IL1RAPL1: variants seen among roughly 807,000 people sequenced by gnomAD.
The protein encoded by IL1RAPL1 is interleukin-1 receptor accessory protein-like 1.
A neutral mutation model predicts 48.4 loss-of-function variants in IL1RAPL1; 3 were observed. The observed-to-expected ratio is 0.06, with a 90% CI of 0.03 to 0.16. IL1RAPL1 has a LOEUF of 0.16. Among genes scored for constraint, IL1RAPL1 ranks in the 10% least tolerant of loss-of-function variants. The pLI, the probability that IL1RAPL1 is intolerant of heterozygous loss-of-function variation, is 1.00. For synonymous variants in IL1RAPL1, 185 were observed against 187.7 expected (o/e 0.99, Z 0.12); for missense variants, 349 against 530.6 (o/e 0.66, Z 3.36).
At chrX:28,860,966 A>C (rs907189920) in intron 2 of IL1RAPL1, among the ~76,000 whole-genome samples, 2 of 111,193 alleles carry the variant, frequency 1.8e-5, no homozygotes, top group African/African-American at 6.5e-5. Flanking sequence ...CTATCATATA[A>C]ATTCTGTTAA....
chrX:29,684,926 G>A (rs1036959604), intron 6 of IL1RAPL1, among the ~76,000 whole-genome samples: 13 of 112,109 alleles, frequency 1.2e-4, no homozygotes, highest in Admixed American at 8.5e-4. Context: ...AATTTACTAC[G>A]ACTATTAATT....
At chrX:29,765,204 C>G (rs1928851957) in intron 6 of IL1RAPL1, among the ~76,000 whole-genome samples, 1 of 103,684 alleles carries the variant, frequency 9.6e-6, no homozygotes, top group East Asian at 3.1e-4. Context: ...ACTCAGCTTT[C>G]AATTGTTTTT....
chrX:28,914,039 G>C (rs1438637063), intron 2 of IL1RAPL1, among the ~76,000 whole-genome samples: 2 of 111,326 alleles, frequency 1.8e-5, no homozygotes, highest in African/African-American at 6.5e-5. Context: ...GAAAACTCAA[G>C]TAGATACAAA....
intron 6 of IL1RAPL1, among the ~76,000 whole-genome samples, chrX:29,766,630 C>T (rs1201671041): frequency 6.4e-5 from 6 of 93,478 alleles, no homozygotes; most frequent in Non-Finnish European, 1.2e-4. Flanking sequence ...CACTCTCCCT[C>T]CATCCCCTTT....
chrX:28,721,841 T>C (rs1357974359), intron 1 of IL1RAPL1, among the ~76,000 whole-genome samples: 1 of 111,365 alleles, frequency 9.0e-6, no homozygotes, highest in East Asian at 2.8e-4. Flanking sequence ...GCACCATTTA[T>C]TAAATAGGGA....
intron 2 of IL1RAPL1, among the ~76,000 whole-genome samples, chrX:29,149,458 A>G (rs139046127): frequency 4.6e-3 from 517 of 111,722 alleles, no homozygotes; most frequent in Non-Finnish European, 6.8e-3. Context: ...TCTATCACTC[A>G]TTGTCCCATC....
chrX:29,469,588 G>A (rs1454228530), intron 5 of IL1RAPL1, among the ~76,000 whole-genome samples: 1 of 111,465 alleles, frequency 9.0e-6, no homozygotes, highest in Non-Finnish European at 1.9e-5. Context: ...AAACACAATT[G>A]CCTTTGAAGT....
chrX:28,868,583 C>A (rs1358321196), intron 2 of IL1RAPL1, among the ~76,000 whole-genome samples: 3 of 110,924 alleles, frequency 2.7e-5, no homozygotes, highest in African/African-American at 9.9e-5. Flanking sequence ...GTGTTCCTAC[C>A]CATTCTCTAG....
At chrX:28,690,045 C>G (rs1935159018) in intron 1 of IL1RAPL1, among the ~76,000 whole-genome samples, 2 of 111,416 alleles carry the variant, frequency 1.8e-5, no homozygotes, top group South Asian at 7.5e-4. Context: ...ATTTCATAGG[C>G]CTTTTTGCTC....
chrX:29,223,889 A>C (rs759785138), intron 2 of IL1RAPL1, among the ~76,000 whole-genome samples: 5 of 111,338 alleles, frequency 4.5e-5, no homozygotes, highest in Non-Finnish European at 9.4e-5. Context: ...TTTTCATCAT[A>C]ATTCAATGAA....
chrX:29,777,837 T>G (rs928259122), intron 6 of IL1RAPL1, among the ~76,000 whole-genome samples: 5 of 110,847 alleles, frequency 4.5e-5, no homozygotes, highest in Non-Finnish European at 9.5e-5. Flanking sequence ...CTTTTTTTAC[T>G]TGGTAAAAAT....
At chrX:29,660,929 C>A (rs1286716712) in intron 5 of IL1RAPL1, among the ~76,000 whole-genome samples, 2 of 111,837 alleles carry the variant, frequency 1.8e-5, no homozygotes, top group East Asian at 5.6e-4. Context: ...GCAGTATGGT[C>A]ATTTTAATGA....
chrX:29,451,573 T>G (rs1934680180), intron 5 of IL1RAPL1, among the ~76,000 whole-genome samples: 1 of 111,757 alleles, frequency 8.9e-6, no homozygotes. Flanking sequence ...TTTTATGAAT[T>G]AATCTCCAAG....
chrX:29,192,702 G>T (rs1277271339), intron 2 of IL1RAPL1, among the ~76,000 whole-genome samples: 1 of 111,583 alleles, frequency 9.0e-6, no homozygotes, highest in Non-Finnish European at 1.9e-5. Context: ...TAAAATTATT[G>T]ATGATATTAC....
intron 2 of IL1RAPL1, among the ~76,000 whole-genome samples, chrX:28,944,175 G>A (rs888338084): frequency 4.5e-5 from 5 of 110,227 alleles, no homozygotes; most frequent in Middle Eastern, 4.7e-3. Flanking sequence ...AAAAATTATC[G>A]TGGAGAAAAT....
chrX:29,713,164 C>T (rs1927396416), intron 6 of IL1RAPL1, among the ~76,000 whole-genome samples: 1 of 111,525 alleles, frequency 9.0e-6, no homozygotes. Flanking sequence ...AGAAAGATCA[C>T]TGATCCTTAA....
At chrX:29,906,301 C>G (rs1176110493) in intron 6 of IL1RAPL1, among the ~76,000 whole-genome samples, 1 of 100,304 alleles carries the variant, frequency 1.0e-5, no homozygotes, top group Non-Finnish European at 2.0e-5. Context: ...CGCCACTGCA[C>G]TCCAGCCTGG....
At chrX:28,865,430 C>A (rs773431486) in intron 2 of IL1RAPL1, among the ~76,000 whole-genome samples, 4 of 81,338 alleles carry the variant, frequency 4.9e-5, no homozygotes, top group African/African-American at 1.9e-4. Context: ...CAGAAGGAGA[C>A]CCTGTCTCAA....
intron 6 of IL1RAPL1, among the ~76,000 whole-genome samples, chrX:29,773,915 G>A (rs1245219119): frequency 1.8e-5 from 2 of 112,008 alleles, no homozygotes; most frequent in Non-Finnish European, 3.8e-5. Context: ...AGGAACATTT[G>A]TGGTCTCCCA....
Sources: allele counts gnomAD v4.1 joint callset (sites outside exome capture counted in the v4.1 genomes callset), GRCh38; gene constraint gnomAD v4.1.1; transcripts MANE v1.5; gene names NCBI Gene and HGNC (gene_info 2026-07-23, HGNC 2026-07-21).